Variants in MOB1B observed in about 807,000 individuals in gnomAD.
The protein encoded by MOB1B is MOB kinase activator 1B.
In MOB1B, 19 loss-of-function variants were observed where a neutral mutation model predicts 24.4. The observed-to-expected ratio is 0.78, with a 90% CI of 0.54 to 1.14. The LOEUF (loss-of-function observed/expected upper bound fraction) is 1.14, where lower values mean the gene tolerates loss of function less well. MOB1B is among the 50% of genes most tolerant of loss of function. The pLI is 0.00. For synonymous variants in MOB1B, 76 were observed against 82.1 expected (o/e 0.93, Z 0.40); for missense variants, 243 against 259.6 (o/e 0.94, Z 0.44).
chr4:70,933,577 A>G (rs1736967672), intron 1 of MOB1B, among the ~76,000 whole-genome samples: 1 of 112,744 alleles, frequency 8.9e-6, no homozygotes. Flanking sequence ...TTTGAGACAG[A>G]GTCTTGCTCT....
intron 1 of MOB1B, among the ~76,000 whole-genome samples, chr4:70,925,087 A>C (rs2148875622): frequency 6.6e-6 from 1 of 152,290 alleles, no homozygotes; most frequent in South Asian, 2.1e-4. Context: ...TCTGTAACTC[A>C]GGCCAGAGTG....
At chr4:70,929,909 G>A (rs925599255) in intron 1 of MOB1B, among the ~76,000 whole-genome samples, 3 of 151,868 alleles carry the variant, frequency 2.0e-5, no homozygotes, top group African/African-American at 4.8e-5. Context: ...CAGCCACTGC[G>A]CCCAGCCTTA....
At chr4:70,906,895 G>C (rs1365985385) in intron 1 of MOB1B, among the ~76,000 whole-genome samples, 1 of 152,150 alleles carries the variant, frequency 6.6e-6, no homozygotes, top group Non-Finnish European at 1.5e-5. Flanking sequence ...GATGGTGGAT[G>C]GTATATCGTC....
intron 2 of MOB1B, among the ~76,000 whole-genome samples, chr4:70,965,227 G>A (rs906198324): frequency 6.9e-5 from 10 of 144,028 alleles, no homozygotes; most frequent in Non-Finnish European, 1.3e-4. Flanking sequence ...AACCTGGGAG[G>A]CAGAGGTTGC....
intron 1 of MOB1B, among the ~76,000 whole-genome samples, chr4:70,915,601 G>C (rs181317565): frequency 3.3e-5 from 5 of 152,276 alleles, no homozygotes; most frequent in Admixed American, 3.3e-4. Context: ...CCATGGAGAG[G>C]ATATTTCCTG....
chr4:70,943,451 C>A (rs1737431796), intron 1 of MOB1B, among the ~76,000 whole-genome samples: 1 of 152,140 alleles, frequency 6.6e-6, no homozygotes, highest in Admixed American at 6.5e-5. Context: ...ATCATGTTTT[C>A]CACTTACCCC....
chr4:70,906,234 C>T (rs12511374), intron 1 of MOB1B, among the ~76,000 whole-genome samples: 122,192 of 152,068 alleles, frequency 0.8, 52,710 homozygotes, highest in Non-Finnish European at 0.96. Context: ...AAAAATTAGC[C>T]GGGCGTGGTG....
chr4:70,911,655 A>C (rs1219931253), intron 1 of MOB1B, among the ~76,000 whole-genome samples: 1 of 152,104 alleles, frequency 6.6e-6, no homozygotes, highest in East Asian at 1.9e-4. Flanking sequence ...CTCTAAGTGT[A>C]GTTGCAGTTT....
At position 70,902,432 on chromosome 4, in the gene MOB1B, TC is replaced by T; in HGVS notation, c.-103del. On this transcript the variant is annotated 5_prime_UTR_variant, in exon 1 of 6. Transcript: ENST00000309395. ...GCAGCCGGCTCTCGGCACCTCCTCCTCCGCCTCCCTGTCTCCTGTTCCATTC... is the reference window on the plus strand; with the variant it reads ...GCAGCCGGCTCTCGGCACCTCCTCCTCGCCTCCCTGTCTCCTGTTCCATTC... 7.7e-7 allele frequency: 1 copy of T among 1,295,318 alleles called. No individual in the cohort carries two copies. The highest frequency in any genetic ancestry group is 1.1e-6 in the Non-Finnish European group (1 of 915,396). 80.2% of individuals were successfully genotyped at this position (1,295,318 alleles called of 1,614,324 possible).
At chr4:70,946,084 C>CTTTTTTTTTTTTTTTT (rs11331194) in intron 1 of MOB1B, among the ~76,000 whole-genome samples, 2 of 85,388 alleles carry the variant, frequency 2.3e-5, no homozygotes, top group African/African-American at 4.1e-5. Flanking sequence ...TTTGTTTGTT[C>CTTTTTTTTTTTTTTTT]TTTTTTTTTT....
intron 1 of MOB1B, among the ~76,000 whole-genome samples, chr4:70,945,593 C>G (rs1737540776): frequency 6.6e-6 from 1 of 152,284 alleles, no homozygotes; most frequent in East Asian, 1.9e-4. Context: ...GCTGTACTTT[C>G]AAATTTTTGT....
chr4:70,925,566 C>T (rs1160361014), intron 1 of MOB1B, among the ~76,000 whole-genome samples: 1 of 152,134 alleles, frequency 6.6e-6, no homozygotes, highest in African/African-American at 2.4e-5. Flanking sequence ...AACCATAATC[C>T]TTGAGAAGTT....
At chr4:70,927,912 A>G (rs1736717392) in intron 1 of MOB1B, among the ~76,000 whole-genome samples, 1 of 152,110 alleles carries the variant, frequency 6.6e-6, no homozygotes, top group Admixed American at 6.5e-5. Flanking sequence ...TTCCTGCTCT[A>G]ACATCCCTCC....
chr4:70,948,565 AAT>A (rs1459477885), intron 1 of MOB1B, among the ~76,000 whole-genome samples: 1 of 151,922 alleles, frequency 6.6e-6, no homozygotes, highest in African/African-American at 2.4e-5. Context: ...TTTTGAATAT[AAT>A]AGTGTCTCTG....
chr4:70,950,860 T>A (rs1737776088), intron 1 of MOB1B: 2 of 1,053,538 alleles, frequency 1.9e-6, no homozygotes, highest in African/African-American at 3.1e-5. Flanking sequence ...GTGAAGTTCT[T>A]AACATAAGTT....
intron 1 of MOB1B, among the ~76,000 whole-genome samples, chr4:70,949,721 C>G (rs577596965): frequency 5.3e-5 from 8 of 151,964 alleles, no homozygotes; most frequent in Non-Finnish European, 1.2e-4. Context: ...GACTTCCTCT[C>G]TATAAAAAAA....
intron 1 of MOB1B, among the ~76,000 whole-genome samples, chr4:70,929,546 C>A (rs1021795639): frequency 6.6e-6 from 1 of 152,034 alleles, no homozygotes; most frequent in African/African-American, 2.4e-5. Flanking sequence ...AGTGGCCCAA[C>A]AACTGCTTAT....
At chr4:70,903,107 G>T (rs1419398289) in intron 1 of MOB1B, among the ~76,000 whole-genome samples, 1 of 152,160 alleles carries the variant, frequency 6.6e-6, no homozygotes. Context: ...CTACTTGCGG[G>T]TCGGGATCCC....
chr4:70,927,810 A>G (rs976818506), intron 1 of MOB1B, among the ~76,000 whole-genome samples: 2 of 152,044 alleles, frequency 1.3e-5, no homozygotes, highest in Admixed American at 6.6e-5. Flanking sequence ...TTTCAGGTAG[A>G]TATTGGAATG....
Sources: gnomAD v4.1 joint callset for allele counts (sites outside exome capture counted in the v4.1 genomes callset) on GRCh38, gnomAD v4.1.1 for gene constraint, MANE v1.5 for transcripts, NCBI Gene and HGNC (gene_info 2026-07-23, HGNC 2026-07-21) for gene names.